The following CENPP variants were observed in gnomAD, a reference collection of about 807,000 sequenced individuals.
The protein encoded by CENPP is centromere protein P.
In CENPP, 24 loss-of-function variants were observed where a neutral mutation model predicts 35.6. The observed-to-expected ratio is 0.67, with a 90% confidence interval of 0.49 to 0.95. The LOEUF (loss-of-function observed/expected upper bound fraction) is 0.95, where lower values mean the gene tolerates loss of function less well. Among genes scored for constraint, CENPP ranks in the 40% least tolerant of loss-of-function variants. CENPP has a pLI of 0.00. For synonymous variants in CENPP, 120 were observed against 125.5 expected, an observed-to-expected ratio of 0.96 and a Z score of 0.29; for missense variants, 332 against 345.3, an observed-to-expected ratio of 0.96 and a Z score of 0.31.
chr9:92,337,686 TC>T, intron 3 of CENPP, 57 bp downstream of exon 3: 2 of 1,073,674 alleles, frequency 1.9e-6, no homozygotes, highest in Non-Finnish European at 2.9e-6. Flanking sequence ...GATAAACAAT[TC>T]CCACACCCCA....
chr9:92,339,929 G>A (rs1250067803), intron 3 of CENPP: 1 of 153,736 alleles, frequency 6.5e-6, no homozygotes. Flanking sequence ...ATGTGAACTT[G>A]ACCTGAGAGT....
chr9:92,606,723 G>A (rs1397887221), intron 5 of CENPP, among the ~76,000 whole-genome samples: 1 of 152,138 alleles, frequency 6.6e-6, no homozygotes, highest in Non-Finnish European at 1.5e-5. Flanking sequence ...GGCCAACATG[G>A]TGAAACCCCA....
In CENPP at chr9:92,511,670, G is replaced by A. The variant is rs1450074181; in HGVS notation, c.565-99644G>A. On this transcript the variant is annotated intron_variant, in intron 5 of 7. Coordinates refer to ENST00000375587, the MANE Select transcript of CENPP (RefSeq NM_001012267.3). ...CTGAAAAATGTTAACAGAGGTTCCA[G>A]ATAGGCTCAATTTGTTTCCAGAAAA... is the stretch of plus-strand genomic sequence containing the variant. Among the ~76,000 whole-genome samples the A allele has an allele frequency of 2.0e-5, 3 of 152,138 alleles. No individual in the cohort carries two copies. The East Asian group carries it at 5.8e-4, about 29-fold the overall frequency.
chr9:92,478,802 A>G (rs1845806027), intron 5 of CENPP, among the ~76,000 whole-genome samples: 1 of 152,124 alleles, frequency 6.6e-6, no homozygotes, highest in South Asian at 2.1e-4. Context: ...AATGGGCTTT[A>G]GATTCCCAGT....
At chr9:92,341,067 C>A (rs1204708222) in intron 3 of CENPP, among the ~76,000 whole-genome samples, 3 of 152,144 alleles carry the variant, frequency 2.0e-5, no homozygotes, top group South Asian at 4.1e-4. Context: ...ACAGCCCCCC[C>A]AGGGGCGCCT....
In CENPP at chr9:92,599,405, TTTTG is replaced by T. The variant is rs200715623; in HGVS notation, c.565-11901_565-11898del. On this transcript the variant is annotated intron_variant, in intron 5 of 7. Coordinates refer to ENST00000375587, the MANE Select transcript of CENPP (RefSeq NM_001012267.3). ...TGTGTGGTCAGTAGTTTTTGTTTTGTTTTGTTTGTTTTTGTTTTTGTTTTTGTTT... is the reference window on the plus strand; with the variant it reads ...TGTGTGGTCAGTAGTTTTTGTTTTGTTTTGTTTTTGTTTTTGTTTTTGTTT... 8.0e-3 allele frequency among the ~76,000 whole-genome samples: 1,214 copies of T among 152,066 alleles called. 6 individuals are homozygous for T. The highest frequency in any genetic ancestry group is 0.013 in the Non-Finnish European group (869 of 67,966).
intron 5 of CENPP, among the ~76,000 whole-genome samples, chr9:92,587,991 G>A (rs1454050836): frequency 6.6e-6 from 1 of 151,606 alleles, no homozygotes; most frequent in African/African-American, 2.4e-5. Context: ...TGGGCATGTT[G>A]GAGCCAGGCA....
chr9:92,415,573 ATTCTGTT>A, intron 5 of CENPP: 1 of 506,694 alleles, frequency 2.0e-6, no homozygotes, highest in Non-Finnish European at 3.1e-6. Context: ...ATGGGATATA[ATTCTGTT>A]AATTAAAATA....
chr9:92,331,871 C>G (rs1473897848), intron 1 of CENPP, among the ~76,000 whole-genome samples: 2 of 152,062 alleles, frequency 1.3e-5, no homozygotes, highest in Non-Finnish European at 2.9e-5. Flanking sequence ...TCCTTTGAGC[C>G]TGGGAGTTCA....
At chr9:92,329,053 C>T (rs1385256058) in intron 1 of CENPP, among the ~76,000 whole-genome samples, 2 of 152,168 alleles carry the variant, frequency 1.3e-5, no homozygotes, top group East Asian at 3.8e-4. Flanking sequence ...TTGAGTTCTG[C>T]ATATCCAGCC....
intron 5 of CENPP, chr9:92,459,728 C>T: frequency 6.2e-7 from 1 of 1,613,424 alleles, no homozygotes; most frequent in Non-Finnish European, 8.5e-7. Context: ...TAGCAAGACT[C>T]CCATTTTCGA....
intron 4 of CENPP, among the ~76,000 whole-genome samples, chr9:92,359,032 C>G (rs1037353735): frequency 2.0e-5 from 3 of 151,100 alleles, no homozygotes; most frequent in African/African-American, 7.3e-5. Flanking sequence ...GCACTGCAAC[C>G]TCTGCCTCCC....
At chr9:92,367,905 C>T (rs779352551) in intron 4 of CENPP, among the ~76,000 whole-genome samples, 1 of 152,216 alleles carries the variant, frequency 6.6e-6, no homozygotes, top group Non-Finnish European at 1.5e-5. Flanking sequence ...CGTGAGACAG[C>T]GCACCTGGCC....
chr9:92,474,699 A>G, intron 5 of CENPP: 1 of 1,614,048 alleles, frequency 6.2e-7, no homozygotes, highest in Non-Finnish European at 8.5e-7. Flanking sequence ...TCAAATGGAA[A>G]AAAATGGCTT....
At chr9:92,546,491 G>A (rs1201848854) in intron 5 of CENPP, among the ~76,000 whole-genome samples, 1 of 151,962 alleles carries the variant, frequency 6.6e-6, no homozygotes, top group Non-Finnish European at 1.5e-5. Context: ...AACCCACTGG[G>A]AGAAAAGAAC....
At position 92,326,051 on chromosome 9, in the gene CENPP, T is replaced by G. The variant is rs771945510; in HGVS notation, c.53T>G (p.Leu18Arg). 26 of 1,563,872 alleles carry G rather than the reference T, an allele frequency of 1.7e-5. No individual in the cohort carries two copies. The highest frequency in any genetic ancestry group is 2.3e-5 in the Non-Finnish European group (26 of 1,155,130). Residue 18 changes from leucine (L) to arginine (R), a missense_variant, in exon 1 of 8, where the codon CTG becomes CGG. Physicochemically the swap from Leu to Arg is moderately radical, Grantham distance 102. Transcript: ENST00000375587. The stretch of plus-strand genomic sequence containing the variant: ...GCCTTGCAAGCTGAGATCGCGGCCC[T>G]GCGGCGAGCGTGTGAGGACCCACCG... ...VRALQAEIAA[L>R]RRACEDPPAP... is the part of the protein sequence containing the mutation.
At chr9:92,393,414 T>A (rs974909698) in intron 5 of CENPP, among the ~76,000 whole-genome samples, 26 of 152,222 alleles carry the variant, frequency 1.7e-4, no homozygotes, top group Admixed American at 4.6e-4. Context: ...GCTTGATAAT[T>A]CACCAGAATA....
rs534236728 is a variant in CENPP at position 92,417,934 on chromosome 9, C to T, written c.564+38075C>T. 4.6e-5 allele frequency among the ~76,000 whole-genome samples: 7 copies of T among 152,004 alleles called. No individual in the cohort carries two copies. In the South Asian group the frequency reaches 1.5e-3, roughly 32 times the overall value. ...GTAGAGACAAGGTTTCGTTGTGTTGCCCAAGCTGGTCTCAAACTCCTGACC... is the reference window on the plus strand; with the variant it reads ...GTAGAGACAAGGTTTCGTTGTGTTGTCCAAGCTGGTCTCAAACTCCTGACC... On this transcript the variant is annotated intron_variant, in intron 5 of 7. Coordinates refer to ENST00000375587, the MANE Select transcript of CENPP (RefSeq NM_001012267.3).
intron 5 of CENPP, chr9:92,415,238 C>A: frequency 6.2e-7 from 1 of 1,613,760 alleles, no homozygotes; most frequent in Non-Finnish European, 8.5e-7. Context: ...TCAGGATCAT[C>A]GTGATCTTCA....
Sources: gnomAD v4.1 joint callset for allele counts (sites outside exome capture counted in the v4.1 genomes callset) on GRCh38, gnomAD v4.1.1 for gene constraint, MANE v1.5 for transcripts, NCBI Gene and HGNC (gene_info 2026-07-23, HGNC 2026-07-21) for gene names.